KLHL4: variants seen among roughly 807,000 people sequenced by gnomAD.
KLHL4 encodes the protein kelch like family member 4, also known as kelch-like protein 4.
KLHL4 carries 17 observed loss-of-function variants against 45.8 expected under a neutral mutation model. That is an observed-to-expected ratio of 0.37 (90% CI 0.25 to 0.56). KLHL4 has a LOEUF of 0.56. Ranked by LOEUF, KLHL4 falls within the 20% of genes least tolerant of loss-of-function variation. KLHL4 has a pLI of 0.79. For synonymous variants in KLHL4, 224 were observed against 189.9 expected (o/e 1.18, Z -1.47); for missense variants, 544 against 544.9 (o/e 1.00, Z 0.02).
Position 87,666,659 on chromosome X carries a change from C to G in KLHL4, c.*125C>G. 2.0e-6 allele frequency: 2 copies of G among 1,004,821 alleles called. No individual in the cohort carries two copies. Among genetic ancestry groups the G allele is most frequent in the African/African-American group, 1.9e-5 (1 of 51,506 alleles). 82.8% of individuals were successfully genotyped at this position (1,004,821 alleles called of 1,213,427 possible). A position where few individuals can be genotyped will look rare whatever the true frequency, so the allele number is the denominator to read the frequency against. ...TAATCAGACTGGAAAATTGTTGTAT[C>G]ATTTTAATTTGTAGTTACAATTGCT... On this transcript the variant is annotated 3_prime_UTR_variant, in exon 11 of 11. Transcript: ENST00000373119.
chrX:87,527,115 A>G (rs1931127574), intron 1 of KLHL4, among the ~76,000 whole-genome samples: 1 of 112,191 alleles, frequency 8.9e-6, no homozygotes, highest in African/African-American at 3.2e-5. Flanking sequence ...ATTTTTAGTT[A>G]ATGAGATTTT....
chrX:87,572,828 A>AAT (rs1408553801), intron 1 of KLHL4, among the ~76,000 whole-genome samples: 4 of 110,063 alleles, frequency 3.6e-5, no homozygotes, highest in African/African-American at 9.8e-5. Flanking sequence ...AACTTAAAAA[A>AAT]AAAAATAAAT....
chrX:87,667,225 C>T lies in KLHL4; in HGVS notation c.*691C>T, dbSNP rs1924400217. 6 of 711,244 alleles carry T rather than the reference C, an allele frequency of 8.4e-6. No homozygotes were observed. Among genetic ancestry groups the T allele is most frequent in the Non-Finnish European group, 1.0e-5 (6 of 600,512 alleles). 58.6% of individuals were successfully genotyped at this position (711,244 alleles called of 1,213,427 possible). On this transcript the variant is annotated 3_prime_UTR_variant, in exon 11 of 11. Coordinates refer to ENST00000373119, the MANE Select transcript of KLHL4 (RefSeq NM_019117.5). ...CATATTATCTTGTTAGATTTGTTAC[C>T]AGTAAAATATTACTGTAATTTCATA...
In KLHL4 at chrX:87,632,316, G is replaced by T. The variant is rs746952985; in HGVS notation, c.1431G>T (p.Lys477Asn). 12 of 1,208,371 alleles carry T rather than the reference G, an allele frequency of 9.9e-6. No individual in the cohort carries two copies. The highest frequency in any genetic ancestry group is 1.2e-5 in the Non-Finnish European group (11 of 892,744). ...LQFGVAVIDN[K>N]LYVVGGRDGL... is the part of the protein sequence containing the mutation. ...TTGGAGTCGCAGTTATTGATAATAA[G>T]CTCTATGTCGTGGGAGGAAGAGACG... is the stretch of plus-strand genomic sequence containing the variant. The change falls in exon 7 of 11, where the codon AAG becomes AAT. Residue 477 changes from lysine (K) to asparagine (N), a missense_variant. Transcript: ENST00000373119.
At chrX:87,665,779 C>T (rs1378595662) in intron 10 of KLHL4, among the ~76,000 whole-genome samples, 3 of 111,345 alleles carry the variant, frequency 2.7e-5, no homozygotes. Flanking sequence ...CAGGGTACAG[C>T]TATCTATTGC....
chrX:87,526,156 C>A (rs748057545), intron 1 of KLHL4, among the ~76,000 whole-genome samples: 6 of 112,103 alleles, frequency 5.4e-5, no homozygotes, highest in Admixed American at 9.5e-5. Context: ...ATGTTGATTA[C>A]AGTACCTGTA....
Position 87,536,623 on chromosome X carries a change from C to T in KLHL4, c.422+18308C>T, listed in dbSNP as rs139609465. Among the ~76,000 whole-genome samples, 381 of 106,652 alleles carry T rather than the reference C, an allele frequency of 3.6e-3. 3 individuals carry two copies. The highest frequency in any genetic ancestry group is 0.012 in the African/African-American group (363 of 29,157). 92.6% of individuals were successfully genotyped at this position (106,652 alleles called of 115,157 possible). On this transcript the variant is annotated intron_variant, in intron 1 of 10. Transcript: ENST00000373119. ...ATGAAATAGCTGATACTGCTGCCAC[C>T]GAGACTCAAATAATAGATATTTTCC...
At chrX:87,642,292 C>A (rs932785529) in intron 9 of KLHL4, among the ~76,000 whole-genome samples, 1 of 111,267 alleles carries the variant, frequency 9.0e-6, no homozygotes, top group African/African-American at 3.3e-5. Flanking sequence ...ATAGAGACAA[C>A]AATCACTGCA....
intron 1 of KLHL4, among the ~76,000 whole-genome samples, chrX:87,595,920 A>G (rs1353992034): frequency 4.5e-5 from 5 of 111,547 alleles, no homozygotes; most frequent in East Asian, 2.8e-4. Context: ...TAATTCTCCA[A>G]TGTTGGAGGT....
chrX:87,567,096 G>A (rs1384262297), intron 1 of KLHL4, among the ~76,000 whole-genome samples: 1 of 111,094 alleles, frequency 9.0e-6, no homozygotes, highest in African/African-American at 3.3e-5. Context: ...GCAAAATTTA[G>A]CACCCTTTCA....
intron 1 of KLHL4, among the ~76,000 whole-genome samples, chrX:87,553,858 AC>A (rs1194686545): frequency 9.1e-6 from 1 of 110,001 alleles, no homozygotes; most frequent in Non-Finnish European, 1.9e-5. Context: ...TTTAGGTCTA[AC>A]GTTTAAGTCT....
At chrX:87,659,690 A>G (rs1272861880) in intron 9 of KLHL4, among the ~76,000 whole-genome samples, 1 of 111,741 alleles carries the variant, frequency 8.9e-6, no homozygotes, top group Non-Finnish European at 1.9e-5. Context: ...TTCTACAGGA[A>G]GATTATCTGG....
intron 6 of KLHL4, among the ~76,000 whole-genome samples, chrX:87,626,651 T>TTA (rs1556036030): frequency 9.0e-5 from 9 of 100,490 alleles, no homozygotes; most frequent in African/African-American, 3.2e-4. Context: ...TATGTAGCTT[T>TTA]AAAAAAAAAA....
In KLHL4 at chrX:87,528,222, T is replaced by A. The variant is rs1477151682; in HGVS notation, c.422+9907T>A. Among the ~76,000 whole-genome samples the A allele has an allele frequency of 3.6e-5, 4 of 111,138 alleles. No homozygotes were observed. The Admixed American group carries it at 3.8e-4, about 11-fold the overall frequency. ...TAATGAAAAAGAATTAAGCAGAAAT[T>A]TTGGAGCTGAAGAATTTCATAATGA... On this transcript the variant is annotated intron_variant, in intron 1 of 10. Coordinates refer to ENST00000373119, the MANE Select transcript of KLHL4 (RefSeq NM_019117.5).
At chrX:87,633,545 G>A (rs1428808336) in intron 7 of KLHL4, among the ~76,000 whole-genome samples, 1 of 111,629 alleles carries the variant, frequency 9.0e-6, no homozygotes, top group African/African-American at 3.3e-5. Flanking sequence ...ACCCTTCTAT[G>A]ATATAGTAAC....
chrX:87,617,616 A>G (rs1569354478), intron 3 of KLHL4, among the ~76,000 whole-genome samples: 1 of 112,023 alleles, frequency 8.9e-6, no homozygotes, highest in African/African-American at 3.2e-5. Flanking sequence ...TACATATACA[A>G]TGTGAAATGA....
intron 9 of KLHL4, among the ~76,000 whole-genome samples, chrX:87,659,059 A>T (rs1924088916): frequency 9.9e-6 from 1 of 101,437 alleles, no homozygotes; most frequent in Non-Finnish European, 2.0e-5. Flanking sequence ...TGTCCACTGG[A>T]TGGTAGCCCA....
At chrX:87,611,659 C>CATACTATACTATACTATACTATACT (rs201194879) in intron 1 of KLHL4, among the ~76,000 whole-genome samples, 2,692 of 101,521 alleles carry the variant, frequency 0.027, 45 homozygotes, top group Middle Eastern at 0.045. Context: ...GGTTTAAGTA[C>CATACTATACTATACTATACTATACT]ATACTATACT....
chrX:87,607,942 T>G lies in KLHL4; in HGVS notation c.423-5935T>G, dbSNP rs748993643. Among the ~76,000 whole-genome samples, 3 of 111,386 alleles carry G rather than the reference T, an allele frequency of 2.7e-5. No homozygotes were observed. The Admixed American group carries it at 2.9e-4, about 11-fold the overall frequency. On this transcript the variant is annotated intron_variant, in intron 1 of 10. Coordinates refer to ENST00000373119, the MANE Select transcript of KLHL4 (RefSeq NM_019117.5). ...CCCCTTAATGCCAGAGTCACAAATC[T>G]AACATTCTCCTCAATTATCTCCCTG... is the stretch of plus-strand genomic sequence containing the variant.
Sources: allele counts gnomAD v4.1 joint callset (sites outside exome capture counted in the v4.1 genomes callset), GRCh38; gene constraint gnomAD v4.1.1; transcripts MANE v1.5; gene names NCBI Gene and HGNC (gene_info 2026-07-23, HGNC 2026-07-21).